Variants in AIG1 observed in about 807,000 individuals in gnomAD.
AIG1 encodes the protein androgen-induced gene 1 protein.
AIG1 carries 23 observed loss-of-function variants against 31.4 expected under a neutral mutation model. The ratio of observed to expected loss-of-function variants is 0.73; its 90% confidence interval spans 0.53 to 1.04. AIG1 has a LOEUF of 1.04. AIG1 is among the 50% of genes least tolerant of loss of function. The pLI is 0.00. For missense variants in AIG1, 274 were observed against 295.0 expected (o/e 0.93, Z 0.52); for synonymous variants, 100 against 110.5 (o/e 0.90, Z 0.60).
At chr6:143,065,621 G>T (rs1261361835) in intron 1 of AIG1, among the ~76,000 whole-genome samples, 1 of 152,182 alleles carries the variant, frequency 6.6e-6, no homozygotes, top group Non-Finnish European at 1.5e-5. Context: ...AGTATTTGGG[G>T]TATAATAGGT....
chr6:143,315,399 C>T (rs146081357), intron 4 of AIG1, among the ~76,000 whole-genome samples: 116 of 152,052 alleles, frequency 7.6e-4, no homozygotes, highest in Middle Eastern at 6.8e-3. Flanking sequence ...GTAGGAGGAC[C>T]GGCACTACCT....
At chr6:143,187,951 G>T (rs1409791351) in intron 3 of AIG1, 39 of 1,230,950 alleles carry the variant, frequency 3.2e-5, no homozygotes, top group Middle Eastern at 3.2e-4. Context: ...ACTTGCTCTT[G>T]ATTTTATTAG....
chr6:143,267,105 G>C (rs1796209575), intron 3 of AIG1, among the ~76,000 whole-genome samples: 1 of 151,982 alleles, frequency 6.6e-6, no homozygotes, highest in Non-Finnish European at 1.5e-5. Flanking sequence ...CCTCCTCATG[G>C]ACTTAAAAGA....
Position 143,288,310 on chromosome 6 carries a change from T to C in AIG1, c.515+4085T>C, listed in dbSNP as rs766343592. On this transcript the variant is annotated intron_variant, in intron 4 of 5. Transcript: ENST00000357847. This position sits in a 1 kb window ranked among gnomAD's most constrained non-coding sequence, Gnocchi z 4.4. ...TCCTAAGGAGTCTTCTTCCAGCCCC[T>C]GGCTATTCTCCCTCCTTCAGGGGTT... Among the ~76,000 whole-genome samples, 5 of 151,514 alleles carry C rather than the reference T, an allele frequency of 3.3e-5. No homozygotes were observed. The highest frequency in any genetic ancestry group is 7.4e-5 in the Non-Finnish European group (5 of 67,936).
chr6:143,305,318 G>C (rs1311373614), intron 4 of AIG1, among the ~76,000 whole-genome samples: 2 of 152,038 alleles, frequency 1.3e-5, no homozygotes, highest in Non-Finnish European at 2.9e-5. Flanking sequence ...TGTGATGTTA[G>C]GGTGTCAGTT....
At chr6:143,200,645 C>T (rs1790624431) in intron 3 of AIG1, among the ~76,000 whole-genome samples, 1 of 152,180 alleles carries the variant, frequency 6.6e-6, no homozygotes, top group South Asian at 2.1e-4. Context: ...ACACTTTTTA[C>T]TCCTCAGTTC....
chr6:143,075,866 A>G (rs974494365), intron 1 of AIG1, among the ~76,000 whole-genome samples: 3 of 152,142 alleles, frequency 2.0e-5, no homozygotes, highest in Admixed American at 1.3e-4. Flanking sequence ...TGAGTTGTAC[A>G]CTATATTTTT....
chr6:143,151,896 C>A (rs1785268241), intron 2 of AIG1, among the ~76,000 whole-genome samples: 1 of 152,186 alleles, frequency 6.6e-6, no homozygotes, highest in South Asian at 2.1e-4. Flanking sequence ...TTCGGTTGCA[C>A]AGTAGGGATT....
chr6:143,284,149 A>G lies in AIG1; in HGVS notation c.439A>G (p.Thr147Ala). 1 of 1,614,006 alleles carries G rather than the reference A, an allele frequency of 6.2e-7. No homozygotes were observed. Among genetic ancestry groups the G allele is most frequent in the Non-Finnish European group, 8.5e-7 (1 of 1,179,952 alleles). The change falls in exon 4 of 6, where the codon ACA becomes GCA. Residue 147 changes from threonine to alanine, a missense_variant. By Grantham distance (58) the Thr-to-Ala change is moderately conservative. This residue lies in a region of AIG1 where 243 missense variants were observed against 238.5 expected (regional missense o/e 1.02). Coordinates refer to ENST00000357847, the MANE Select transcript of AIG1 (RefSeq NM_016108.4). This position sits in a 1 kb window ranked among gnomAD's most constrained non-coding sequence, Gnocchi z 4.4. Reference sequence around the variant, plus strand: ...GCCCTTTATATTAATCGAGATGAGGACATCGCACCATCAGTATCCCAGCAG... The same window carrying G: ...GCCCTTTATATTAATCGAGATGAGGGCATCGCACCATCAGTATCCCAGCAG... ...VLPFILIEMR[T>A]SHHQYPSRSS...
intron 1 of AIG1, among the ~76,000 whole-genome samples, chr6:143,106,600 C>T (rs1780828262): frequency 6.6e-6 from 1 of 152,208 alleles, no homozygotes; most frequent in Non-Finnish European, 1.5e-5. Flanking sequence ...ATGTTGATTT[C>T]TGCCAATAAA....
intron 1 of AIG1, among the ~76,000 whole-genome samples, chr6:143,074,937 G>A (rs980285785): frequency 3.3e-5 from 5 of 152,160 alleles, no homozygotes; most frequent in Non-Finnish European, 1.5e-5. Flanking sequence ...AGAATGTTTG[G>A]TAGAATTTAC....
chr6:143,272,338 A>G (rs1796583279), intron 3 of AIG1, among the ~76,000 whole-genome samples: 1 of 152,208 alleles, frequency 6.6e-6, no homozygotes, highest in Non-Finnish European at 1.5e-5. Flanking sequence ...CACACAAAGT[A>G]TGTTGTTATC....
chr6:143,224,654 A>G (rs1792798084), intron 3 of AIG1, among the ~76,000 whole-genome samples: 2 of 152,216 alleles, frequency 1.3e-5, no homozygotes, highest in African/African-American at 4.8e-5. Flanking sequence ...ATGTGTGTTC[A>G]TTCTACGTGT....
At chr6:143,157,611 C>T (rs571298634) in intron 2 of AIG1, among the ~76,000 whole-genome samples, 13 of 152,166 alleles carry the variant, frequency 8.5e-5, no homozygotes, top group Non-Finnish European at 1.3e-4. Flanking sequence ...AGCTAAACCC[C>T]GACTGTCTTC....
intron 1 of AIG1, among the ~76,000 whole-genome samples, chr6:143,122,969 T>C (rs1367752073): frequency 6.6e-6 from 1 of 152,178 alleles, no homozygotes; most frequent in African/African-American, 2.4e-5. Context: ...AGTGCCCCAG[T>C]GTCTTGTTGA....
intron 3 of AIG1, among the ~76,000 whole-genome samples, chr6:143,262,134 T>C (rs1157836817): frequency 6.6e-6 from 1 of 152,194 alleles, no homozygotes; most frequent in Non-Finnish European, 1.5e-5. Flanking sequence ...GTCTAAGAAT[T>C]TGCAAGAGGA....
chr6:143,151,285 T>A (rs1295850881), intron 2 of AIG1, among the ~76,000 whole-genome samples: 1 of 152,132 alleles, frequency 6.6e-6, no homozygotes, highest in Non-Finnish European at 1.5e-5. Context: ...ACAATTGTGT[T>A]TGTAAGTGTG....
intron 3 of AIG1, among the ~76,000 whole-genome samples, chr6:143,211,619 G>A (rs1791594909): frequency 6.6e-6 from 1 of 152,192 alleles, no homozygotes. Context: ...TTGGCCAGGT[G>A]TGGTGGCTCA....
chr6:143,174,005 T>C (rs898714631), intron 3 of AIG1, among the ~76,000 whole-genome samples: 2 of 152,204 alleles, frequency 1.3e-5, no homozygotes, highest in South Asian at 4.1e-4. Context: ...CGCACTATTA[T>C]TGTGTTGTTG....
Sources: gnomAD v4.1 joint callset for allele counts (sites outside exome capture counted in the v4.1 genomes callset) on GRCh38, gnomAD v4.1.1 for gene constraint, gnomAD v4.1.1 regional missense constraint, Gnocchi (gnomAD v3.1) non-coding constraint, MANE v1.5 for transcripts, NCBI Gene and HGNC (gene_info 2026-07-23, HGNC 2026-07-21) for gene names.